PFKFB3: variants seen among roughly 807,000 people sequenced by gnomAD.
PFKFB3 encodes the protein 6-phosphofructo-2-kinase/fructose-2,6-biphosphatase 3.
In PFKFB3, 33 loss-of-function variants were observed where a neutral mutation model predicts 68.0. That is an observed-to-expected ratio of 0.49 (90% CI 0.37 to 0.65). The LOEUF (loss-of-function observed/expected upper bound fraction) is 0.65, where lower values mean the gene tolerates loss of function less well. Among genes scored for constraint, PFKFB3 ranks in the 30% least tolerant of loss-of-function variants. The pLI, the probability that PFKFB3 is intolerant of heterozygous loss-of-function variation, is 0.00. For synonymous variants in PFKFB3, 315 were observed against 288.2 expected (o/e 1.09, Z -0.94); for missense variants, 586 against 712.2 (o/e 0.82, Z 2.02).
the PFKFB3 span, among the ~76,000 whole-genome samples, chr10:6,311,189 A>G: frequency 6.6e-6 from 1 of 152,202 alleles, no homozygotes; most frequent in Non-Finnish European, 1.5e-5. Context: ...CCCTTGACAG[A>G]AAAGAGACAT....
chr10:6,146,137 T>G (rs766886144), intron 1 of PFKFB3: 80 of 703,314 alleles, frequency 1.1e-4, no homozygotes, highest in Middle Eastern at 7.0e-4. Context: ...GGACTGGGGG[T>G]GTGTGTGGGG....
chr10:6,211,914 C>T (rs767324253), intron 1 of PFKFB3, among the ~76,000 whole-genome samples: 7 of 152,232 alleles, frequency 4.6e-5, no homozygotes, highest in African/African-American at 1.4e-4. Context: ...CCAGGCCTAG[C>T]GGCAGATCCT....
intron 1 of PFKFB3, among the ~76,000 whole-genome samples, chr10:6,156,382 G>T (rs143029134): frequency 0.01 from 1,524 of 151,910 alleles, 60 homozygotes; most frequent in East Asian, 0.07. Flanking sequence ...TGTCCAACTC[G>T]TGGGCTCAAA....
At chr10:6,281,604 C>A in the PFKFB3 span, among the ~76,000 whole-genome samples, 1 of 152,148 alleles carries the variant, frequency 6.6e-6, no homozygotes, top group Non-Finnish European at 1.5e-5. Flanking sequence ...CCCCACCCTC[C>A]AATTAAACCA....
At chr10:6,275,566 A>G in the PFKFB3 span, among the ~76,000 whole-genome samples, 1 of 152,046 alleles carries the variant, frequency 6.6e-6, no homozygotes, top group East Asian at 1.9e-4. The surrounding 1 kb of genome is among the most constrained non-coding windows in gnomAD (Gnocchi z 4.9). Flanking sequence ...GAACCACACA[A>G]TTGTTCCCCA....
chr10:6,222,748 T>C (rs1238680172), intron 10 of PFKFB3, 107 bp from the exon 11 acceptor site: 2 of 1,200,932 alleles, frequency 1.7e-6, no homozygotes, highest in African/African-American at 3.1e-5. Context: ...TGATGATGGA[T>C]GATTGATTTT....
chr10:6,195,505 C>A (rs561193185), intron 1 of PFKFB3, among the ~76,000 whole-genome samples: 45 of 152,320 alleles, frequency 3.0e-4, no homozygotes, highest in African/African-American at 9.6e-4. Flanking sequence ...CCCTGACATG[C>A]CTCCTAGGTG....
chr10:6,214,766 T>TCCGGCC (rs1410616309), intron 2 of PFKFB3, among the ~76,000 whole-genome samples: 2 of 152,350 alleles, frequency 1.3e-5, no homozygotes, highest in East Asian at 3.9e-4. Context: ...GACACATGTC[T>TCCGGCC]CCGGCCCTGG....
chr10:6,150,758 G>C, intron 1 of PFKFB3, among the ~76,000 whole-genome samples: 1 of 152,028 alleles, frequency 6.6e-6, no homozygotes, highest in Non-Finnish European at 1.5e-5. Flanking sequence ...AGCTCTTCGG[G>C]AGGCCGAGGC....
chr10:6,190,466 T>C (rs1842992494), intron 1 of PFKFB3, among the ~76,000 whole-genome samples: 1 of 152,242 alleles, frequency 6.6e-6, no homozygotes, highest in African/African-American at 2.4e-5. Flanking sequence ...TATGTTTCTC[T>C]GGGTTTTAGT....
chr10:6,227,897 A>C (rs1048806381), intron 14 of PFKFB3, among the ~76,000 whole-genome samples: 6 of 151,976 alleles, frequency 3.9e-5, no homozygotes, highest in Non-Finnish European at 8.8e-5. Flanking sequence ...GGAAATGTGC[A>C]GTTGTATTTG....
chr10:6,216,085 C>T (rs754181310), intron 3 of PFKFB3, 40 bp from the exon 4 acceptor site: 46 of 1,588,040 alleles, frequency 2.9e-5, no homozygotes, highest in Non-Finnish European at 3.6e-5. Flanking sequence ...CCAGCGGATG[C>T]ACCGGCGCTG....
At chr10:6,226,146 T>C in intron 13 of PFKFB3, 46 bp from the exon 14 acceptor site, 1 of 1,493,738 alleles carries the variant, frequency 6.7e-7, no homozygotes, top group Non-Finnish European at 9.0e-7. Context: ...TTCCTCCCCT[T>C]CTTTGTAACT....
chr10:6,145,835 C>T (rs1414069701), intron 1 of PFKFB3, among the ~76,000 whole-genome samples: 1 of 125,060 alleles, frequency 8.0e-6, no homozygotes, highest in Non-Finnish European at 1.8e-5. Context: ...GCCCGGCTAC[C>T]TGGTGTTCCT....
the PFKFB3 span, among the ~76,000 whole-genome samples, chr10:6,259,956 T>C: frequency 2.6e-5 from 4 of 152,346 alleles, no homozygotes; most frequent in South Asian, 6.2e-4. Flanking sequence ...ACACCCTGGC[T>C]CATTTAATTC....
chr10:6,203,048 G>C lies in PFKFB3; in HGVS notation c.-213G>C. 1 of 1,383,416 alleles carries C rather than the reference G, an allele frequency of 7.2e-7. No homozygotes were observed. Among genetic ancestry groups the C allele is most frequent in the East Asian group, 3.0e-5 (1 of 33,734 alleles). 85.7% of individuals were successfully genotyped at this position (1,383,416 alleles called of 1,614,324 possible). On this transcript the variant is annotated 5_prime_UTR_variant, in exon 1 of 15. Coordinates refer to ENST00000379775, the MANE Select transcript of PFKFB3 (RefSeq NM_004566.4). ...GAGCCGGCCGTGCCGGGCATCCCCA[G>C]CCTCGCTACCCTCGCAGCACACGTC...
At chr10:6,188,628 A>G (rs972731903) in intron 1 of PFKFB3, among the ~76,000 whole-genome samples, 4 of 151,820 alleles carry the variant, frequency 2.6e-5, no homozygotes, top group African/African-American at 7.3e-5. Context: ...TCTGCACCCA[A>G]TAAACAACAA....
chr10:6,216,429 GC>G (rs975271796), intron 4 of PFKFB3, among the ~76,000 whole-genome samples: 4 of 152,188 alleles, frequency 2.6e-5, no homozygotes, highest in Admixed American at 6.5e-5. Context: ...AGGACCACTG[GC>G]CCTTCCTTGT....
At position 6,213,637 on chromosome 10, in the gene PFKFB3, C is replaced by G; in HGVS notation, c.91C>G (p.Leu31Val). The change falls in exon 2 of 15, where the codon CTG becomes GTG. Residue 31 changes from leucine (L) to valine (V), a missense_variant. Leu to Val is a conservative substitution (Grantham distance 32). Transcript: ENST00000379775. Reference sequence around the variant, plus strand: ...TGTTTTTCCAGCCTGTGGGCCAAAGCTGACCAACTCCCCCACCGTCATCGT... The same window carrying G: ...TGTTTTTCCAGCCTGTGGGCCAAAGGTGACCAACTCCCCCACCGTCATCGT... ...PSLPRSCGPK[L>V]TNSPTVIVMV... 6.2e-7 allele frequency: 1 copy of G among 1,612,846 alleles called. No individual in the cohort carries two copies. The highest frequency in any genetic ancestry group is 8.5e-7 in the Non-Finnish European group (1 of 1,179,480).
Sources: gnomAD v4.1 joint callset for allele counts (sites outside exome capture counted in the v4.1 genomes callset) on GRCh38, gnomAD v4.1.1 for gene constraint, Gnocchi (gnomAD v3.1) non-coding constraint, MANE v1.5 for transcripts, NCBI Gene and HGNC (gene_info 2026-07-23, HGNC 2026-07-21) for gene names.